Variants in SORCS1 observed in about 807,000 individuals in gnomAD.
SORCS1 encodes the protein VPS10 domain-containing receptor SorCS1.
In SORCS1, 60 loss-of-function variants were observed where a neutral mutation model predicts 146.1. That is an observed-to-expected ratio of 0.41 (90% CI 0.33 to 0.51). The LOEUF (loss-of-function observed/expected upper bound fraction) is 0.51. Among genes scored for constraint, SORCS1 ranks in the 20% least tolerant of loss-of-function variants. The pLI is 0.21. For synonymous variants in SORCS1, 637 were observed against 584.0 expected (o/e 1.09, Z -1.31); for missense variants, 1,352 against 1,487.6 (o/e 0.91, Z 1.50).
chr10:107,070,711 C>T (rs190969239), intron 1 of SORCS1, among the ~76,000 whole-genome samples: 1 of 152,174 alleles, frequency 6.6e-6, no homozygotes, highest in Non-Finnish European at 1.5e-5. Context: ...TGAACTGTAG[C>T]AAAATTTCAC....
chr10:106,932,019 G>C (rs540383071), intron 2 of SORCS1, among the ~76,000 whole-genome samples: 1 of 152,136 alleles, frequency 6.6e-6, no homozygotes, highest in South Asian at 2.1e-4. Flanking sequence ...ATGCTTCCAG[G>C]AAGCTTAGGA....
chr10:106,575,288 C>T lies in SORCS1; in HGVS notation c.*2132G>A, dbSNP rs1291749042. On this transcript the variant is annotated 3_prime_UTR_variant, in exon 26 of 26. Transcript: ENST00000263054. ...CAGATTCATATGGGGTATCCTCAAC[C>T]ATAAACATCTCTGCCTGACAAACTT... 1 of 152,346 alleles carries T rather than the reference C, an allele frequency of 6.6e-6. No individual in the cohort carries two copies. The highest frequency in any genetic ancestry group is 1.9e-4 in the East Asian group (1 of 5,190). The allele number at this position is 152,346 out of a possible 1,614,324, so 9.4% of individuals were successfully genotyped here. A position where few individuals can be genotyped will look rare whatever the true frequency, so the allele number is the denominator to read the frequency against.
intron 2 of SORCS1, among the ~76,000 whole-genome samples, chr10:106,899,452 C>T (rs930063127): frequency 6.6e-6 from 1 of 152,198 alleles, no homozygotes; most frequent in Admixed American, 6.5e-5. Flanking sequence ...TCTCCAGCAC[C>T]CCATGTGGAT....
intron 4 of SORCS1, among the ~76,000 whole-genome samples, chr10:106,763,867 C>A (rs1463346039): frequency 2.0e-5 from 3 of 152,206 alleles, no homozygotes; most frequent in African/African-American, 7.2e-5. Flanking sequence ...ATATCTAAGA[C>A]CACTTCCTGC....
chr10:106,680,182 G>A (rs1222673340), intron 10 of SORCS1, among the ~76,000 whole-genome samples: 1 of 152,312 alleles, frequency 6.6e-6, no homozygotes. Flanking sequence ...AAGATGGATA[G>A]GCTATGAACA....
chr10:106,653,301 T>C (rs1297543618), intron 17 of SORCS1, among the ~76,000 whole-genome samples: 2 of 152,204 alleles, frequency 1.3e-5, no homozygotes, highest in Non-Finnish European at 2.9e-5. Flanking sequence ...TTCAGCGTTA[T>C]CTAGCCATTA....
intron 2 of SORCS1, among the ~76,000 whole-genome samples, chr10:106,909,308 T>C (rs1412456104): frequency 1.3e-5 from 2 of 152,204 alleles, no homozygotes; most frequent in African/African-American, 2.4e-5. Context: ...AAAGAATGCA[T>C]TTCCTTTTGT....
chr10:106,810,638 C>T (rs1947409639), intron 3 of SORCS1, among the ~76,000 whole-genome samples: 1 of 152,178 alleles, frequency 6.6e-6, no homozygotes, highest in East Asian at 1.9e-4. Context: ...GGCTCTGGAA[C>T]GTTCAACTGC....
chr10:106,989,776 T>G (rs1956689417), intron 1 of SORCS1, among the ~76,000 whole-genome samples: 1 of 141,782 alleles, frequency 7.1e-6, no homozygotes, highest in Non-Finnish European at 1.5e-5. Context: ...AAGCTCCACC[T>G]CCCAGCTTCA....
At chr10:106,739,900 G>C (rs934090811) in intron 5 of SORCS1, among the ~76,000 whole-genome samples, 2 of 149,582 alleles carry the variant, frequency 1.3e-5, no homozygotes, top group African/African-American at 4.9e-5. Context: ...GCAATGAGCT[G>C]AGATCACGCC....
chr10:106,582,158 C>A (rs1261610174), intron 24 of SORCS1, among the ~76,000 whole-genome samples: 1 of 151,984 alleles, frequency 6.6e-6, no homozygotes, highest in Non-Finnish European at 1.5e-5. Context: ...CACACACACA[C>A]ATGAACCTTT....
chr10:107,018,766 G>C (rs926647228), intron 1 of SORCS1, among the ~76,000 whole-genome samples: 9 of 152,104 alleles, frequency 5.9e-5, no homozygotes, highest in African/African-American at 1.9e-4. Context: ...CTTGATAGGG[G>C]TGATGGTTTT....
chr10:106,799,622 A>T (rs1208418559), intron 3 of SORCS1, among the ~76,000 whole-genome samples: 2 of 152,252 alleles, frequency 1.3e-5, no homozygotes, highest in Non-Finnish European at 2.9e-5. Context: ...CAACAGACAC[A>T]TGAAAAAATG....
At chr10:107,126,529 T>C (rs1168504122) in intron 1 of SORCS1, among the ~76,000 whole-genome samples, 1 of 152,186 alleles carries the variant, frequency 6.6e-6, no homozygotes, top group Non-Finnish European at 1.5e-5. Flanking sequence ...GAGAAGAACC[T>C]TGTGAGATTC....
chr10:106,912,562 T>A (rs1952218844), intron 2 of SORCS1, among the ~76,000 whole-genome samples: 1 of 152,210 alleles, frequency 6.6e-6, no homozygotes, highest in Non-Finnish European at 1.5e-5. Context: ...AGGATCACTG[T>A]ATAATCCTTC....
chr10:107,027,279 T>C (rs1278315326), intron 1 of SORCS1, among the ~76,000 whole-genome samples: 2 of 151,974 alleles, frequency 1.3e-5, no homozygotes, highest in African/African-American at 4.8e-5. Context: ...TCCTCTCACC[T>C]GGATAATGAT....
At chr10:107,049,265 G>A (rs1387068110) in intron 1 of SORCS1, among the ~76,000 whole-genome samples, 1 of 115,786 alleles carries the variant, frequency 8.6e-6, no homozygotes, top group East Asian at 2.9e-4. Context: ...TCTGGGTACT[G>A]TTGTGGGGTG....
At chr10:106,721,389 G>A (rs559664348) in intron 6 of SORCS1, among the ~76,000 whole-genome samples, 200 of 152,254 alleles carry the variant, frequency 1.3e-3, no homozygotes, top group Non-Finnish European at 2.2e-3. Context: ...TTTTAAATGT[G>A]TGTATCAATG....
intron 9 of SORCS1, among the ~76,000 whole-genome samples, chr10:106,693,473 C>T (rs821962): frequency 0.38 from 57,113 of 152,038 alleles, 13,038 homozygotes; most frequent in Non-Finnish European, 0.5. Flanking sequence ...TCAGAATGTT[C>T]TACTCAAAGA....
Sources: allele counts gnomAD v4.1 joint callset (sites outside exome capture counted in the v4.1 genomes callset), GRCh38; gene constraint gnomAD v4.1.1; transcripts MANE v1.5; gene names NCBI Gene and HGNC (gene_info 2026-07-23, HGNC 2026-07-21).